The following EFCAB6 variants were observed in gnomAD, a reference collection of about 807,000 sequenced individuals.
The protein encoded by EFCAB6 is EF-hand calcium binding domain 6, also known as EF-hand calcium-binding domain-containing protein 6.
EFCAB6 carries 156 observed loss-of-function variants against 169.8 expected under a neutral mutation model. The ratio of observed to expected loss-of-function variants is 0.92; its 90% confidence interval spans 0.81 to 1.05. EFCAB6 has a LOEUF of 1.05. EFCAB6 is among the 50% of genes least tolerant of loss of function. The probability of loss-of-function intolerance (pLI) is 0.00; values close to 1 mark genes in which losing one functional copy is unlikely to be tolerated. For synonymous variants in EFCAB6, 698 were observed against 676.4 expected (o/e 1.03, Z -0.50); for missense variants, 1,800 against 1,829.1 (o/e 0.98, Z 0.29).
At chr22:43,529,733 G>A (rs1406242458) in intron 31 of EFCAB6, among the ~76,000 whole-genome samples, 4 of 152,144 alleles carry the variant, frequency 2.6e-5, no homozygotes, top group Non-Finnish European at 5.9e-5. Context: ...CAGGAGTTGA[G>A]AACAGCAGAG....
intron 5 of EFCAB6, among the ~76,000 whole-genome samples, chr22:43,761,769 T>G (rs2061170151): frequency 6.6e-6 from 1 of 152,176 alleles, no homozygotes; most frequent in South Asian, 2.1e-4. Context: ...TGACATCTAT[T>G]GGTTTGTAGT....
intron 5 of EFCAB6, among the ~76,000 whole-genome samples, chr22:43,764,362 C>T (rs1261846008): frequency 6.6e-6 from 1 of 152,190 alleles, no homozygotes; most frequent in Non-Finnish European, 1.5e-5. Context: ...CTGCAAAAGA[C>T]ATGATTTCAT....
chr22:43,678,194 T>C, intron 12 of EFCAB6, 31 bp from the exon 13 acceptor site: 9 of 1,524,630 alleles, frequency 5.9e-6, no homozygotes, highest in Non-Finnish European at 7.0e-6. Context: ...AAGGGAATTT[T>C]TGAAAAAAAA....
chr22:43,751,855 C>T (rs1473078674), intron 6 of EFCAB6, among the ~76,000 whole-genome samples: 2 of 152,156 alleles, frequency 1.3e-5, no homozygotes, highest in East Asian at 3.8e-4. Context: ...CCTTCCATAT[C>T]AATATGGGAT....
At chr22:43,780,210 G>A (rs985033826) in intron 3 of EFCAB6, among the ~76,000 whole-genome samples, 5 of 152,060 alleles carry the variant, frequency 3.3e-5, no homozygotes, top group Non-Finnish European at 5.9e-5. Context: ...GAACAGGCTG[G>A]GTGCGCTGGC....
intron 20 of EFCAB6, among the ~76,000 whole-genome samples, chr22:43,619,794 G>A (rs1307512444): frequency 6.6e-6 from 1 of 151,952 alleles, no homozygotes; most frequent in Non-Finnish European, 1.5e-5. Flanking sequence ...GTACCAAAAG[G>A]AGAAGAAAAA....
intron 4 of EFCAB6, among the ~76,000 whole-genome samples, chr22:43,765,794 T>C (rs2061309514): frequency 1.3e-5 from 2 of 152,154 alleles, no homozygotes; most frequent in African/African-American, 4.8e-5. Flanking sequence ...AGTTTGTACA[T>C]ACAGTTTTAA....
At chr22:43,652,964 T>A (rs550795130) in intron 17 of EFCAB6, among the ~76,000 whole-genome samples, 32 of 152,230 alleles carry the variant, frequency 2.1e-4, no homozygotes, top group African/African-American at 7.7e-4. Flanking sequence ...AAGAACTCGG[T>A]GAGTACAACT....
chr22:43,551,641 A>C (rs1312883234), intron 27 of EFCAB6, among the ~76,000 whole-genome samples: 1 of 152,106 alleles, frequency 6.6e-6, no homozygotes, highest in Middle Eastern at 3.4e-3. Flanking sequence ...TCCATTAGCT[A>C]TTCTTCCTGA....
chr22:43,677,633 G>C (rs2057820454), intron 13 of EFCAB6, among the ~76,000 whole-genome samples: 1 of 152,092 alleles, frequency 6.6e-6, no homozygotes, highest in Admixed American at 6.5e-5. Flanking sequence ...GCAACAGAGA[G>C]AGACTCGACG....
At chr22:43,630,239 G>C (rs930735231) in intron 19 of EFCAB6, among the ~76,000 whole-genome samples, 1 of 152,178 alleles carries the variant, frequency 6.6e-6, no homozygotes, top group Non-Finnish European at 1.5e-5. Context: ...AAGTCCTCAC[G>C]AGCCCCGGAC....
At chr22:43,691,181 A>G (rs1345668762) in intron 10 of EFCAB6, among the ~76,000 whole-genome samples, 1 of 152,188 alleles carries the variant, frequency 6.6e-6, no homozygotes, top group Non-Finnish European at 1.5e-5. Flanking sequence ...GGCTTCATGT[A>G]CTACTATTCA....
chr22:43,635,427 G>A (rs936824499), intron 17 of EFCAB6, among the ~76,000 whole-genome samples: 3 of 152,148 alleles, frequency 2.0e-5, no homozygotes, highest in East Asian at 1.9e-4. Flanking sequence ...GTGAGTGAAC[G>A]AAGGGACAAG....
chr22:43,573,729 C>CA (rs2050046205), intron 26 of EFCAB6, among the ~76,000 whole-genome samples: 1 of 43,798 alleles, frequency 2.3e-5, no homozygotes. Context: ...GAGTCTGTCT[C>CA]AACAAAAAAA....
At chr22:43,574,658 A>C (rs1005224565) in intron 26 of EFCAB6, among the ~76,000 whole-genome samples, 11 of 147,852 alleles carry the variant, frequency 7.4e-5, no homozygotes, top group Non-Finnish European at 1.5e-4. Flanking sequence ...AAAAAAAAAA[A>C]CCATAATCAT....
intron 18 of EFCAB6, 56 bp from the exon 19 acceptor site, chr22:43,632,294 CTTTTTTTTTTTT>C (rs200314912): frequency 2.7e-5 from 30 of 1,130,984 alleles, no homozygotes; most frequent in Middle Eastern, 3.7e-4. Context: ...TTCATTCCTT[CTTTTTTTTTTTT>C]TTTTTTTTTT....
chr22:43,585,648 C>T (rs1303476339), intron 24 of EFCAB6, among the ~76,000 whole-genome samples: 1 of 152,046 alleles, frequency 6.6e-6, no homozygotes, highest in Non-Finnish European at 1.5e-5. Flanking sequence ...ATTACACATC[C>T]AGGAAGTTCA....
In EFCAB6 at chr22:43,765,406, G is replaced by T. The variant is rs1324355546; in HGVS notation, c.352-13C>A. ...TGCTAAGGGGGATCTACAGTCAAGG[G>T]AGAAGAATGACAACATGTTAGAGAA... On this transcript the variant is annotated splice_polypyrimidine_tract_variant and intron_variant, in intron 4 of 31. Coordinates refer to ENST00000262726, the MANE Select transcript of EFCAB6 (RefSeq NM_022785.4). 1 of 1,595,756 alleles carries T rather than the reference G, an allele frequency of 6.3e-7. No homozygotes were observed. Among genetic ancestry groups the T allele is most frequent in the African/African-American group, 1.3e-5 (1 of 74,464 alleles).
chr22:43,559,181 C>A (rs1273267685), intron 26 of EFCAB6, among the ~76,000 whole-genome samples: 1 of 152,002 alleles, frequency 6.6e-6, no homozygotes, highest in African/African-American at 2.4e-5. Flanking sequence ...AAAAAACAAC[C>A]CCATCAAAAA....
Sources: gnomAD v4.1 joint callset for allele counts (sites outside exome capture counted in the v4.1 genomes callset) on GRCh38, gnomAD v4.1.1 for gene constraint, MANE v1.5 for transcripts, NCBI Gene and HGNC (gene_info 2026-07-23, HGNC 2026-07-21) for gene names.